The following INPP4B variants were observed in gnomAD, a reference collection of about 807,000 sequenced individuals.
INPP4B encodes the protein inositol polyphosphate-4-phosphatase type II B.
In INPP4B, 55 loss-of-function variants were observed where a neutral mutation model predicts 122.5. The ratio of observed to expected loss-of-function variants is 0.45; its 90% CI spans 0.36 to 0.56. The LOEUF (loss-of-function observed/expected upper bound fraction) is 0.56, where lower values mean the gene tolerates loss of function less well. Among genes scored for constraint, INPP4B ranks in the 20% least tolerant of loss-of-function variants. The probability of loss-of-function intolerance (pLI) is 0.00; values close to 1 mark genes in which losing one functional copy is unlikely to be tolerated. For missense variants in INPP4B, 1,000 were observed against 1,097.7 expected (o/e 0.91, Z 1.26); for synonymous variants, 403 against 388.7 (o/e 1.04, Z -0.43).
chr4:142,157,015 T>A (rs1386885542), intron 17 of INPP4B, among the ~76,000 whole-genome samples: 3 of 152,264 alleles, frequency 2.0e-5, no homozygotes, highest in South Asian at 4.1e-4. Flanking sequence ...TCAGGGAATA[T>A]CTTCACATAA....
At chr4:142,084,564 T>C (rs549402323) in intron 24 of INPP4B, among the ~76,000 whole-genome samples, 2 of 152,312 alleles carry the variant, frequency 1.3e-5, no homozygotes, top group African/African-American at 4.8e-5. Flanking sequence ...GTATTTATTT[T>C]AAAAGTATCA....
intron 10 of INPP4B, among the ~76,000 whole-genome samples, chr4:142,269,778 C>T (rs1308448612): frequency 6.6e-6 from 1 of 152,150 alleles, no homozygotes; most frequent in African/African-American, 2.4e-5. Flanking sequence ...CCTGATTAAT[C>T]ATTCCATAAC....
chr4:142,150,462 C>T (rs929140398), intron 17 of INPP4B, among the ~76,000 whole-genome samples: 20 of 152,136 alleles, frequency 1.3e-4, no homozygotes, highest in East Asian at 1.9e-4. Context: ...AATGGGGAAT[C>T]GGCAGGTTAA....
intron 2 of INPP4B, 173 bp from the exon 3 acceptor site, chr4:142,462,899 A>C (rs1208813740): frequency 6.6e-6 from 1 of 152,210 alleles, no homozygotes; most frequent in Non-Finnish European, 1.5e-5. Flanking sequence ...TTCTATCCCA[A>C]ATTAGTCAGC....
chr4:142,592,166 T>G (rs912828175), intron 2 of INPP4B, among the ~76,000 whole-genome samples: 7 of 152,214 alleles, frequency 4.6e-5, no homozygotes, highest in African/African-American at 1.7e-4. Context: ...AATTAAAAGT[T>G]TATTTTAAAG....
In INPP4B at chr4:142,698,370, A is replaced by G. The variant is rs188796643; in HGVS notation, c.-191+27469T>C. On this transcript the variant is annotated intron_variant, in intron 2 of 25. Transcript: ENST00000262992. ...GGTCACCATTTCTCCTTCCAGTGTT[A>G]TTCTTGTCATAACTATTTGAGATTT... 4.6e-5 allele frequency among the ~76,000 whole-genome samples: 7 copies of G among 151,746 alleles called. No homozygotes were observed. The East Asian group carries it at 1.4e-3, about 29-fold the overall frequency.
intron 1 of INPP4B, among the ~76,000 whole-genome samples, chr4:142,810,379 G>A (rs1488173013): frequency 6.6e-6 from 1 of 152,066 alleles, no homozygotes; most frequent in African/African-American, 2.4e-5. Flanking sequence ...TGTTCACTAT[G>A]CATCCACACA....
At chr4:142,599,866 G>A (rs1739512408) in intron 2 of INPP4B, among the ~76,000 whole-genome samples, 1 of 151,778 alleles carries the variant, frequency 6.6e-6, no homozygotes, top group Admixed American at 6.6e-5. Flanking sequence ...TGGAGCTGAA[G>A]AATTCCTTTA....
At chr4:142,037,124 G>T (rs1275253057) in intron 25 of INPP4B, among the ~76,000 whole-genome samples, 1 of 152,156 alleles carries the variant, frequency 6.6e-6, no homozygotes, top group South Asian at 2.1e-4. Flanking sequence ...GACAAGATCA[G>T]ACACTTAAGG....
At chr4:142,495,109 T>A (rs1243743622) in intron 2 of INPP4B, among the ~76,000 whole-genome samples, 2 of 152,168 alleles carry the variant, frequency 1.3e-5, no homozygotes, top group Non-Finnish European at 2.9e-5. Context: ...TCCAATGTAG[T>A]ACTTTCATTA....
At chr4:142,774,526 T>C (rs1323426702) in intron 1 of INPP4B, among the ~76,000 whole-genome samples, 3 of 152,100 alleles carry the variant, frequency 2.0e-5, no homozygotes, top group Non-Finnish European at 4.4e-5. Flanking sequence ...TCCCTTTACA[T>C]ACAACATCTA....
chr4:142,421,477 T>C (rs775867398), intron 5 of INPP4B, among the ~76,000 whole-genome samples: 6 of 152,238 alleles, frequency 3.9e-5, no homozygotes, highest in Non-Finnish European at 7.4e-5. Flanking sequence ...ACATATAATT[T>C]GGTGGCAATA....
At chr4:142,431,138 C>A (rs780263901) in intron 4 of INPP4B, 31 bp downstream of exon 4, 71 of 1,550,324 alleles carry the variant, frequency 4.6e-5, no homozygotes, top group Non-Finnish European at 5.7e-5. Context: ...TCTTTAGATG[C>A]AAAAACAGGG....
intron 2 of INPP4B, among the ~76,000 whole-genome samples, chr4:142,619,282 C>T (rs1744371021): frequency 2.0e-5 from 3 of 151,996 alleles, no homozygotes; most frequent in Admixed American, 2.0e-4. Flanking sequence ...AGACATATTT[C>T]CACTCCCATG....
chr4:142,249,607 G>C (rs536576171), intron 11 of INPP4B, among the ~76,000 whole-genome samples: 23 of 152,138 alleles, frequency 1.5e-4, no homozygotes, highest in Non-Finnish European at 3.1e-4. Flanking sequence ...ACATTTGAGA[G>C]CCAAAAAGGA....
chr4:142,056,563 T>TG (rs1307796307), intron 25 of INPP4B, among the ~76,000 whole-genome samples: 4 of 152,016 alleles, frequency 2.6e-5, no homozygotes, highest in African/African-American at 9.7e-5. Flanking sequence ...GATAGGAACA[T>TG]GAAAAAAGTC....
intron 7 of INPP4B, among the ~76,000 whole-genome samples, chr4:142,339,827 T>C (rs1399290692): frequency 6.6e-6 from 1 of 152,200 alleles, no homozygotes; most frequent in African/African-American, 2.4e-5. Context: ...TTCCTCATTG[T>C]ATAGATCTCT....
intron 2 of INPP4B, among the ~76,000 whole-genome samples, chr4:142,485,860 G>A (rs1039599842): frequency 6.6e-6 from 1 of 152,086 alleles, no homozygotes; most frequent in Non-Finnish European, 1.5e-5. Context: ...ATAAGGCTAC[G>A]ATTGGCCAGT....
At chr4:142,678,094 T>A (rs914588635) in intron 2 of INPP4B, among the ~76,000 whole-genome samples, 1 of 152,000 alleles carries the variant, frequency 6.6e-6, no homozygotes, top group African/African-American at 2.4e-5. Flanking sequence ...ACAATATACA[T>A]TTATCTTTTC....
Sources: allele counts gnomAD v4.1 joint callset (sites outside exome capture counted in the v4.1 genomes callset), GRCh38; gene constraint gnomAD v4.1.1; transcripts MANE v1.5; gene names NCBI Gene and HGNC (gene_info 2026-07-23, HGNC 2026-07-21).